Variants in COL22A1 observed in about 807,000 individuals in gnomAD.
COL22A1 encodes collagen type XXII alpha 1 chain, also known as collagen alpha-1(XXII) chain.
A neutral mutation model predicts 248.9 loss-of-function variants in COL22A1; 221 were observed. The ratio of observed to expected loss-of-function variants is 0.89; its 90% CI spans 0.80 to 0.99. The LOEUF is 0.99. Among genes scored for constraint, COL22A1 ranks in the 50% least tolerant of loss-of-function variants. COL22A1 has a pLI of 0.00. For synonymous variants in COL22A1, 891 were observed against 793.4 expected (o/e 1.12, Z -2.07); for missense variants, 2,240 against 2,179.0 (o/e 1.03, Z -0.56).
Position 138,877,700 on chromosome 8 carries a change from C to G in COL22A1, c.658+50G>C, listed in dbSNP as rs754540891. On this transcript the variant is annotated intron_variant, in intron 3 of 64. Transcript: ENST00000303045. ...CCGAGGACCCCTCCCGTGGGCTCAG[C>G]AGGGGGCGTCACTCTTGGGAGGGGC... 2.7e-6 allele frequency: 4 copies of G among 1,503,904 alleles called. No homozygotes were observed. The East Asian group carries it at 9.3e-5, about 35-fold the overall frequency. 93.2% of individuals were successfully genotyped at this position (1,503,904 alleles called of 1,614,324 possible).
At chr8:138,680,020 C>T (rs73451611) in intron 39 of COL22A1, among the ~76,000 whole-genome samples, 200 of 152,292 alleles carry the variant, frequency 1.3e-3, no homozygotes, top group African/African-American at 4.4e-3. Context: ...TGTCTGTTTA[C>T]GGTCCACTGT....
chr8:138,901,172 A>C (rs1471671229), intron 1 of COL22A1, among the ~76,000 whole-genome samples: 2 of 112,026 alleles, frequency 1.8e-5, no homozygotes, highest in African/African-American at 8.1e-5. Context: ...ACTGCTTTCA[A>C]AAAAAAAAAA....
chr8:138,626,805 A>T (rs889989644), intron 50 of COL22A1, among the ~76,000 whole-genome samples: 1 of 152,292 alleles, frequency 6.6e-6, no homozygotes, highest in Admixed American at 6.5e-5. Flanking sequence ...AAACTGTTTT[A>T]CCAAATTTCA....
intron 45 of COL22A1, 100 bp from the exon 46 acceptor site, chr8:138,649,878 G>A: frequency 1.5e-6 from 1 of 687,572 alleles, no homozygotes; most frequent in South Asian, 2.1e-5. Flanking sequence ...TCCAGATGGA[G>A]ATTTGGTTTT....
At chr8:138,831,144 C>A (rs1820015233) in intron 5 of COL22A1, among the ~76,000 whole-genome samples, 1 of 152,156 alleles carries the variant, frequency 6.6e-6, no homozygotes, top group South Asian at 2.1e-4. Context: ...TAGGGTCTGA[C>A]ACAGTGCCTG....
chr8:138,898,091 A>G (rs1223179433), intron 1 of COL22A1, among the ~76,000 whole-genome samples: 4 of 152,148 alleles, frequency 2.6e-5, no homozygotes, highest in African/African-American at 9.7e-5. Flanking sequence ...CTCATAACCT[A>G]AGCCCTCCAA....
chr8:138,660,955 GACACACACGCACACACACATACAC>G (rs1823857185), intron 43 of COL22A1, among the ~76,000 whole-genome samples: 3 of 26,978 alleles, frequency 1.1e-4, no homozygotes, highest in South Asian at 1.0e-3. Context: ...TAAACACACA[GACACACACGCACACACACATACAC>G]ACACACATAC....
chr8:138,664,196 C>CGT (rs1564163916), intron 41 of COL22A1, among the ~76,000 whole-genome samples: 43 of 70,234 alleles, frequency 6.1e-4, no homozygotes, highest in African/African-American at 1.9e-3. Flanking sequence ...ACAAGGGGTG[C>CGT]GCGCGCGCGC....
At chr8:138,904,033 C>T (rs551228365) in intron 1 of COL22A1, among the ~76,000 whole-genome samples, 3 of 152,084 alleles carry the variant, frequency 2.0e-5, no homozygotes, top group South Asian at 2.1e-4. Flanking sequence ...CTGTGTTGCA[C>T]GAGAGAAATA....
intron 11 of COL22A1, 92 bp downstream of exon 11, chr8:138,802,779 GC>G: frequency 1.0e-6 from 1 of 965,344 alleles, no homozygotes; most frequent in East Asian, 2.4e-5. Flanking sequence ...CAGGTATTCA[GC>G]CCACACTTGC....
chr8:138,882,632 TCACA>T (rs891558187), intron 2 of COL22A1, among the ~76,000 whole-genome samples: 7 of 99,590 alleles, frequency 7.0e-5, no homozygotes, highest in African/African-American at 2.3e-4. Context: ...TTCCTCAAAC[TCACA>T]CACTCTCACA....
At chr8:138,725,620 C>A (rs575007611) in intron 23 of COL22A1, among the ~76,000 whole-genome samples, 180 bp from the exon 24 acceptor site, 108 of 152,260 alleles carry the variant, frequency 7.1e-4, no homozygotes, top group Non-Finnish European at 1.4e-3. Flanking sequence ...AGATTGGAAC[C>A]AAAATTTGCA....
At chr8:138,649,257 G>T (rs893263878) in intron 46 of COL22A1, among the ~76,000 whole-genome samples, 4 of 152,178 alleles carry the variant, frequency 2.6e-5, no homozygotes, top group African/African-American at 9.7e-5. Context: ...AATGACAAGG[G>T]ATTGAATGCA....
chr8:138,649,942 T>C (rs1438840559), intron 45 of COL22A1, among the ~76,000 whole-genome samples, 164 bp from the exon 46 acceptor site: 2 of 152,238 alleles, frequency 1.3e-5, no homozygotes, highest in Admixed American at 1.3e-4. Flanking sequence ...ATGATCTAAA[T>C]ACTCTTGTGT....
chr8:138,741,928 G>A (rs1346975157), intron 22 of COL22A1, among the ~76,000 whole-genome samples: 1 of 151,854 alleles, frequency 6.6e-6, no homozygotes, highest in Non-Finnish European at 1.5e-5. Flanking sequence ...TGGTGATGGT[G>A]ATGATGGTGG....
chr8:138,810,380 A>C (rs536158558), intron 9 of COL22A1, among the ~76,000 whole-genome samples: 2 of 152,306 alleles, frequency 1.3e-5, no homozygotes, highest in African/African-American at 4.8e-5. Context: ...TTTGGGTTTC[A>C]ACAGCTGCTT....
At chr8:138,657,410 T>C (rs925249480) in intron 44 of COL22A1, among the ~76,000 whole-genome samples, 6 of 152,256 alleles carry the variant, frequency 3.9e-5, no homozygotes, top group African/African-American at 1.4e-4. Flanking sequence ...GGGATATTCT[T>C]ACATTGCCAT....
intron 59 of COL22A1, among the ~76,000 whole-genome samples, chr8:138,602,393 G>T (rs1008035134): frequency 3.3e-5 from 5 of 152,132 alleles, no homozygotes; most frequent in African/African-American, 1.2e-4. Flanking sequence ...CACCAGCCCT[G>T]GGTTGGCCCC....
At chr8:138,688,363 A>C (rs1446032140) in intron 37 of COL22A1, among the ~76,000 whole-genome samples, 1 of 152,036 alleles carries the variant, frequency 6.6e-6, no homozygotes, top group Non-Finnish European at 1.5e-5. Context: ...TCTGCAAAAA[A>C]TACAAAAATT....
Sources: allele counts gnomAD v4.1 joint callset (sites outside exome capture counted in the v4.1 genomes callset), GRCh38; gene constraint gnomAD v4.1.1; transcripts MANE v1.5; gene names NCBI Gene and HGNC (gene_info 2026-07-23, HGNC 2026-07-21).